Variants in PDE4D observed in about 807,000 individuals in gnomAD.
PDE4D encodes the protein 3',5'-cyclic-AMP phosphodiesterase 4D.
Under a neutral mutation model 87.4 loss-of-function variants are expected in PDE4D, and 24 were observed. The observed-to-expected ratio is 0.27, with a 90% CI of 0.20 to 0.39. The LOEUF is 0.39. Ranked by LOEUF, PDE4D falls within the 10% of genes least tolerant of loss-of-function variation. The pLI, the probability that PDE4D is intolerant of heterozygous loss-of-function variation, is 1.00. For missense variants in PDE4D, 714 were observed against 1,041.0 expected (o/e 0.69, Z 4.32); for synonymous variants, 384 against 383.2 (o/e 1.00, Z -0.02).
At chr5:59,187,244 A>G (rs113145881) in intron 3 of PDE4D, among the ~76,000 whole-genome samples, 1 of 152,098 alleles carries the variant, frequency 6.6e-6, no homozygotes, top group East Asian at 1.9e-4. Context: ...TATTATAATA[A>G]ACTTCTAATT....
intron 5 of PDE4D, among the ~76,000 whole-genome samples, chr5:59,179,493 T>C (rs1740968903): frequency 6.6e-6 from 1 of 152,218 alleles, no homozygotes; most frequent in Non-Finnish European, 1.5e-5. Flanking sequence ...ACCAATAATA[T>C]GTTGAAAGAG....
chr5:59,547,574 C>T (rs1193063631), intron 1 of PDE4D, among the ~76,000 whole-genome samples: 16 of 151,944 alleles, frequency 1.1e-4, no homozygotes, highest in Non-Finnish European at 5.9e-5. Context: ...ATTCCTTTTT[C>T]CTTTCAAAAT....
chr5:59,077,951 A>G (rs17721311), intron 5 of PDE4D, among the ~76,000 whole-genome samples: 42,912 of 152,100 alleles, frequency 0.28, 6,368 homozygotes, highest in Middle Eastern at 0.38. Context: ...AAACCTCTTC[A>G]TCCCAGTGCA....
chr5:60,301,349 G>A (rs936239249), intron 1 of PDE4D, among the ~76,000 whole-genome samples: 1 of 152,194 alleles, frequency 6.6e-6, no homozygotes, highest in Non-Finnish European at 1.5e-5. Flanking sequence ...CCATGAGCAT[G>A]AAATGTTGTT....
intron 9 of PDE4D, among the ~76,000 whole-genome samples, chr5:58,990,146 G>A (rs796849059): frequency 5.9e-5 from 9 of 152,188 alleles, no homozygotes; most frequent in South Asian, 2.1e-4. Flanking sequence ...AGAATACTAC[G>A]CCCTAGCTGT....
intron 1 of PDE4D, among the ~76,000 whole-genome samples, chr5:59,354,446 T>C (rs1781028369): frequency 6.6e-6 from 1 of 152,202 alleles, no homozygotes; most frequent in South Asian, 2.1e-4. Flanking sequence ...AAAACTATGC[T>C]CTTCAGAAGA....
chr5:59,392,949 G>C (rs1274619612), intron 1 of PDE4D, among the ~76,000 whole-genome samples: 3 of 152,166 alleles, frequency 2.0e-5, no homozygotes, highest in Non-Finnish European at 2.9e-5. Context: ...GGACCTATGT[G>C]ATGTGAACTC....
chr5:58,977,350 A>G lies in PDE4D; in HGVS notation c.1553-5T>C, dbSNP rs1744049290. The G allele has an allele frequency of 6.3e-7, 1 of 1,599,766 alleles. No individual in the cohort carries two copies. The highest frequency in any genetic ancestry group is 8.5e-7 in the Non-Finnish European group (1 of 1,176,550). On this transcript the variant is annotated splice_region_variant and splice_polypyrimidine_tract_variant and intron_variant, in intron 11 of 14. Transcript: ENST00000340635. ...ACATCAAGGCAAGTTCAGAGTCTGT[A>G]AAAAAGACAAAAGGCCAAAGATCAG...
rs149235676 is a variant in PDE4D, at chr5:60,083,666, C to T, written c.43-94949G>A. ...TTTTTCAAAATAGAGTCATTAGCCC[C>T]AATTTGTGTAGCCCTTACTCACTTC... On this transcript the variant is annotated intron_variant, in intron 2 of 16. Transcript: ENST00000502484. Among the ~76,000 whole-genome samples the T allele has an allele frequency of 1.9e-3, 294 of 152,238 alleles. 1 individual carries two copies. Among genetic ancestry groups the T allele is most frequent in the African/African-American group, 6.9e-3 (285 of 41,530 alleles).
chr5:60,402,766 T>C (rs1029134881), intron 1 of PDE4D, among the ~76,000 whole-genome samples: 1 of 152,236 alleles, frequency 6.6e-6, no homozygotes. Context: ...ATAAACCAGG[T>C]TGGTATCTAA....
At chr5:59,042,755 G>A (rs918152776) in intron 5 of PDE4D, among the ~76,000 whole-genome samples, 6 of 152,252 alleles carry the variant, frequency 3.9e-5, no homozygotes, top group East Asian at 1.9e-4. Context: ...CCCGCATTCT[G>A]CTGAGGCTCT....
intron 3 of PDE4D, among the ~76,000 whole-genome samples, chr5:59,962,836 A>C (rs1759622387): frequency 6.6e-6 from 1 of 152,172 alleles, no homozygotes; most frequent in Non-Finnish European, 1.5e-5. Context: ...TCATAGTGAT[A>C]TCTTTTCTCC....
intron 1 of PDE4D, among the ~76,000 whole-genome samples, chr5:60,402,196 A>C (rs1201632181): frequency 6.6e-6 from 1 of 152,202 alleles, no homozygotes; most frequent in Non-Finnish European, 1.5e-5. Flanking sequence ...CTAAATGCCC[A>C]TGGGTAGAGA....
At chr5:59,428,216 T>C (rs777832955) in intron 1 of PDE4D, among the ~76,000 whole-genome samples, 18 of 152,220 alleles carry the variant, frequency 1.2e-4, no homozygotes, top group Non-Finnish European at 2.6e-4. Flanking sequence ...GTCATTATTT[T>C]ATAAGGATAT....
At chr5:59,992,057 C>T (rs1464478230) in intron 2 of PDE4D, among the ~76,000 whole-genome samples, 1 of 152,142 alleles carries the variant, frequency 6.6e-6, no homozygotes, top group Non-Finnish European at 1.5e-5. Flanking sequence ...GACTGGAATG[C>T]CGGAGTCTTC....
intron 1 of PDE4D, among the ~76,000 whole-genome samples, chr5:59,808,505 A>G (rs187416290): frequency 1.3e-5 from 2 of 152,170 alleles, no homozygotes; most frequent in East Asian, 3.9e-4. Flanking sequence ...CCAGCAGTAC[A>G]TTGAGATCAC....
intron 3 of PDE4D, among the ~76,000 whole-genome samples, chr5:59,944,503 C>T (rs1757526469): frequency 6.6e-6 from 1 of 152,186 alleles, no homozygotes; most frequent in Non-Finnish European, 1.5e-5. Flanking sequence ...TCCCGAGTAG[C>T]TGGGATTACA....
At chr5:59,896,830 C>T (rs568427127), upstream of PDE4D, among the ~76,000 whole-genome samples, 11 of 152,144 alleles carry the variant, frequency 7.2e-5, no homozygotes, top group Admixed American at 1.3e-4. Context: ...TCTTATACTG[C>T]TGAATATTGA....
intron 1 of PDE4D, among the ~76,000 whole-genome samples, chr5:59,606,694 G>C (rs910628973): frequency 6.6e-6 from 1 of 152,164 alleles, no homozygotes; most frequent in East Asian, 1.9e-4. Context: ...CATAACCTTC[G>C]TAAGTAGTAA....
Sources: gnomAD v4.1 joint callset for allele counts (sites outside exome capture counted in the v4.1 genomes callset) on GRCh38, gnomAD v4.1.1 for gene constraint, MANE v1.5 for transcripts, NCBI Gene and HGNC (gene_info 2026-07-23, HGNC 2026-07-21) for gene names.